MYH10: variants seen among roughly 807,000 people sequenced by gnomAD.
The protein encoded by MYH10 is myosin-10.
A neutral mutation model predicts 257.8 loss-of-function variants in MYH10; 55 were observed. That is an observed-to-expected ratio of 0.21 (90% confidence interval 0.17 to 0.27). The LOEUF is 0.27. Among genes scored for constraint, MYH10 ranks in the 10% least tolerant of loss-of-function variants. The pLI is 1.00. For synonymous variants in MYH10, 854 were observed against 921.7 expected, an observed-to-expected ratio of 0.93 and a Z score of 1.33; for missense variants, 1,631 against 2,500.6, an observed-to-expected ratio of 0.65 and a Z score of 7.42.
chr17:8,510,969 T>C (rs2081248171), intron 24 of MYH10, among the ~76,000 whole-genome samples: 1 of 144,406 alleles, frequency 6.9e-6, no homozygotes, highest in South Asian at 2.2e-4. Flanking sequence ...TTATATGAGG[T>C]GATTATTACA....
intron 3 of MYH10, among the ~76,000 whole-genome samples, chr17:8,590,846 ACT>A (rs1296154436): frequency 9.1e-6 from 1 of 110,444 alleles, no homozygotes; most frequent in Non-Finnish European, 1.9e-5. Context: ...CTTCCCAAAC[ACT>A]CTCCCTCAGG....
chr17:8,627,286 C>T (rs1369522585), intron 1 of MYH10, among the ~76,000 whole-genome samples: 1 of 152,076 alleles, frequency 6.6e-6, no homozygotes, highest in African/African-American at 2.4e-5. Context: ...TTTGTCTAGT[C>T]CCTGGTATAT....
chr17:8,548,258 TAGAG>T (rs1190249845), intron 11 of MYH10, 51 bp downstream of exon 11: 13 of 1,402,392 alleles, frequency 9.3e-6, no homozygotes, highest in Admixed American at 9.0e-5. Flanking sequence ...AACACCTTCT[TAGAG>T]AGCACAACAA....
intron 17 of MYH10, among the ~76,000 whole-genome samples, chr17:8,525,944 C>T (rs2081830751): frequency 6.6e-6 from 1 of 152,132 alleles, no homozygotes; most frequent in African/African-American, 2.4e-5. Context: ...AGGTGCCTGC[C>T]ACCATGCCTG....
intron 33 of MYH10, 36 bp downstream of exon 33, chr17:8,492,740 G>A (rs368695855): frequency 2.9e-5 from 46 of 1,600,786 alleles, no homozygotes; most frequent in Non-Finnish European, 3.7e-5. Context: ...AAAAGCAAGA[G>A]CTCTGCCAGG....
intron 4 of MYH10, among the ~76,000 whole-genome samples, chr17:8,584,873 C>T (rs1238742769): frequency 1.3e-5 from 2 of 151,938 alleles, no homozygotes; most frequent in African/African-American, 2.4e-5. Context: ...GACGGAGTTT[C>T]GCTCTTATTG....
chr17:8,492,631 C>CTTTTTTTTTTTTTTTTTTTTTTTTCCT, intron 33 of MYH10, 122 bp from the exon 34 acceptor site: 1 of 949,304 alleles, frequency 1.1e-6, no homozygotes, highest in Non-Finnish European at 1.5e-6. Context: ...CTTGTATTTC[C>CTTTTTTTTTTTTTTTTTTTTTTTTCCT]TTTTTTTTTT....
At chr17:8,503,555 T>C (rs112412807) in intron 28 of MYH10, among the ~76,000 whole-genome samples, 5 of 152,280 alleles carry the variant, frequency 3.3e-5, no homozygotes, top group African/African-American at 1.2e-4. Context: ...CGGCCTGCCC[T>C]GTGGACACCA....
At chr17:8,630,061 G>A (rs1376772875) in intron 1 of MYH10, among the ~76,000 whole-genome samples, 1 of 151,896 alleles carries the variant, frequency 6.6e-6, no homozygotes, top group Non-Finnish European at 1.5e-5. Context: ...TGGTGCTGCG[G>A]GGGACCGGTC....
chr17:8,616,707 T>G (rs2085274629), intron 2 of MYH10, among the ~76,000 whole-genome samples: 1 of 152,136 alleles, frequency 6.6e-6, no homozygotes, highest in African/African-American at 2.4e-5. Flanking sequence ...CCCAAACTGA[T>G]CTACAGAATC....
chr17:8,506,618 A>C lies in MYH10; in HGVS notation c.3215-129T>G. ...AAAAGCATGTCACTGCCCTGATGAC[A>C]TGGTCATGCGCTGATGTCAACTGCT... is the stretch of plus-strand genomic sequence containing the variant. On this transcript the variant is annotated intron_variant, in intron 26 of 42. Coordinates refer to ENST00000360416, the MANE Select transcript of MYH10 (RefSeq NM_001256012.3). The surrounding 1 kb of genome is among the most constrained non-coding windows in gnomAD (Gnocchi z 5.0). 5 of 954,410 alleles carry C rather than the reference A, an allele frequency of 5.2e-6. No individual in the cohort carries two copies. The highest frequency in any genetic ancestry group is 7.8e-6 in the Non-Finnish European group (5 of 637,180). 59.1% of individuals were successfully genotyped at this position (954,410 alleles called of 1,614,324 possible).
chr17:8,488,101 A>T (rs1287066856), intron 35 of MYH10, among the ~76,000 whole-genome samples: 1 of 152,140 alleles, frequency 6.6e-6, no homozygotes. Flanking sequence ...AAGCTGTCCA[A>T]TGGAGGAGGG....
intron 34 of MYH10, 124 bp downstream of exon 34, chr17:8,492,173 G>A: frequency 1.1e-6 from 1 of 904,816 alleles, no homozygotes; most frequent in Non-Finnish European, 1.7e-6. Flanking sequence ...AGATGGCTTT[G>A]CTGCTGGGCT....
chr17:8,625,239 A>C (rs921893085), intron 1 of MYH10, among the ~76,000 whole-genome samples: 2 of 152,220 alleles, frequency 1.3e-5, no homozygotes, highest in African/African-American at 4.8e-5. Flanking sequence ...TGACAGAGCA[A>C]GACTCCGTCT....
chr17:8,562,956 GTATC>G (rs2083046886), intron 7 of MYH10, among the ~76,000 whole-genome samples: 1 of 152,298 alleles, frequency 6.6e-6, no homozygotes, highest in African/African-American at 2.4e-5. Flanking sequence ...TGATTATAAT[GTATC>G]TATAGTAACT....
chr17:8,508,609 C>T lies in MYH10; in HGVS notation c.3159G>A (p.Ala1053=), dbSNP rs887339230. The change falls in exon 26 of 43, where the codon GCG becomes GCA. Residue 1053 remains alanine, a synonymous_variant. Transcript: ENST00000360416. Reference sequence around the variant, plus strand: ...TATTCCTGATTTTGGCCAAGTTTTTCGCCTTTTCTTCCTCTTCAGCCAGCT... The same window carrying T: ...TATTCCTGATTTTGGCCAAGTTTTTTGCCTTTTCTTCCTCTTCAGCCAGCT... ...SSQLAEEEEK[A]KNLAKIRNKQ... is the part of the protein sequence containing the mutation. 8 of 1,614,126 alleles carry T rather than the reference C, an allele frequency of 5.0e-6. No homozygotes were observed. Among genetic ancestry groups the T allele is most frequent in the Middle Eastern group, 3.3e-4 (2 of 6,062 alleles).
intron 35 of MYH10, 77 bp from the exon 36 acceptor site, chr17:8,487,671 G>C: frequency 6.4e-7 from 1 of 1,556,972 alleles, no homozygotes; most frequent in Non-Finnish European, 8.8e-7. Context: ...TCTCAAGTGG[G>C]GGGCTCTGGT....
At position 8,622,798 on chromosome 17, in the gene MYH10, A is replaced by T. The variant is rs1207203263; in HGVS notation, c.345+104T>A. ...TTAAAGAGAAATAGAAATGTTAAAC[A>T]GAGAGTTTGGGTATTCCACATTCTC... On this transcript the variant is annotated intron_variant, in intron 2 of 42. Transcript: ENST00000360416. The T allele has an allele frequency of 1.2e-5, 16 of 1,282,212 alleles. 1 individual carries two copies. The allele number at this position is 1,282,212 out of a possible 1,614,324, so 79.4% of individuals were successfully genotyped here.
rs140117095 is a variant in MYH10 at position 8,504,468 on chromosome 17, C to A, written c.3599+226G>T. Among the ~76,000 whole-genome samples the A allele has an allele frequency of 2.0e-5, 3 of 152,314 alleles. No homozygotes were observed. Among genetic ancestry groups the A allele is most frequent in the African/African-American group, 7.2e-5 (3 of 41,570 alleles). ...ACAGCTTTTCCGATCACATCCATCT[C>A]CCTCTGTGTCCCTCAGTCTGCTGGT... On this transcript the variant is annotated intron_variant, in intron 28 of 42. Coordinates refer to ENST00000360416, the MANE Select transcript of MYH10 (RefSeq NM_001256012.3). The surrounding 1 kb of genome is among the most constrained non-coding windows in gnomAD (Gnocchi z 5.6).
Sources: gnomAD v4.1 joint callset for allele counts (sites outside exome capture counted in the v4.1 genomes callset) on GRCh38, gnomAD v4.1.1 for gene constraint, Gnocchi (gnomAD v3.1) non-coding constraint, MANE v1.5 for transcripts, NCBI Gene and HGNC (gene_info 2026-07-23, HGNC 2026-07-21) for gene names.